The following PPP1R12A variants were observed in gnomAD, a reference collection of about 807,000 sequenced individuals.
The protein encoded by PPP1R12A is protein phosphatase 1 regulatory subunit 12A, also known as myosin binding subunit.
In PPP1R12A, 19 loss-of-function variants were observed where a neutral mutation model predicts 139.6. That is an observed-to-expected ratio of 0.14 (90% CI 0.09 to 0.20). PPP1R12A has a LOEUF of 0.20. Ranked by LOEUF, PPP1R12A falls within the 10% of genes least tolerant of loss-of-function variation. The probability of loss-of-function intolerance (pLI) is 1.00; values close to 1 mark genes in which losing one functional copy is unlikely to be tolerated. For synonymous variants in PPP1R12A, 427 were observed against 420.6 expected (o/e 1.02, Z -0.19); for missense variants, 925 against 1,211.5 (o/e 0.76, Z 3.51).
rs1873834167 is a variant in PPP1R12A at position 79,806,358 on chromosome 12, T to C, written c.1656-25A>G. ...ACTAAACAAAAGAGTCATATCTATA[T>C]AGGATGTGTTTGTATGTGTATTCTA... is the stretch of plus-strand genomic sequence containing the variant. On this transcript the variant is annotated intron_variant, in intron 12 of 24. Transcript: ENST00000450142. 8 of 1,595,376 alleles carry C rather than the reference T, an allele frequency of 5.0e-6. No individual in the cohort carries two copies. In the African/African-American group the frequency reaches 5.4e-5, roughly 11 times the overall value.
Position 79,796,936 on chromosome 12 carries a change from A to G in PPP1R12A, c.2307T>C (p.Tyr769=). 2 of 1,610,234 alleles carry G rather than the reference A, an allele frequency of 1.2e-6. No homozygotes were observed. The highest frequency in any genetic ancestry group is 1.1e-5 in the South Asian group (1 of 90,076). ...SRTYDETYQR[Y]RPVSTSSSTT... is the part of the protein sequence containing the mutation. ...TTGAACTTGAAGTTGATACTGGCCTATAACGCTGGTAAGTCTGTGAAACAT... is the reference window on the plus strand; with the variant it reads ...TTGAACTTGAAGTTGATACTGGCCTGTAACGCTGGTAAGTCTGTGAAACAT... The change falls in exon 17 of 25, where the codon TAT becomes TAC. Residue 769 remains tyrosine (Y), a synonymous_variant. Transcript: ENST00000450142.
intron 23 of PPP1R12A, chr12:79,779,270 C>CA: frequency 7.9e-7 from 1 of 1,265,874 alleles, no homozygotes; most frequent in African/African-American, 1.5e-5. Context: ...GGGTGTTATG[C>CA]AAAAAGCAAG....
chr12:79,891,480 T>A (rs562451448), intron 1 of PPP1R12A, among the ~76,000 whole-genome samples: 1 of 152,276 alleles, frequency 6.6e-6, no homozygotes, highest in East Asian at 1.9e-4. Flanking sequence ...TCTTAAGGCA[T>A]AATAAATAGG....
chr12:79,782,700 C>A, intron 22 of PPP1R12A: 1 of 338,132 alleles, frequency 3.0e-6, no homozygotes, highest in South Asian at 2.3e-5. Context: ...TCTGTACAAA[C>A]ATCTCCCTTG....
At chr12:79,854,226 G>T (rs1250038903) in intron 2 of PPP1R12A, among the ~76,000 whole-genome samples, 2 of 151,952 alleles carry the variant, frequency 1.3e-5, no homozygotes, top group Admixed American at 6.6e-5. Context: ...TGTGGCGGGG[G>T]GGCAGGGGAA....
At chr12:79,817,146 A>G (rs550748237) in intron 9 of PPP1R12A, among the ~76,000 whole-genome samples, 101 of 152,304 alleles carry the variant, frequency 6.6e-4, no homozygotes, top group Non-Finnish European at 9.6e-4. Flanking sequence ...TTTATTAACT[A>G]TCAACTGTAT....
chr12:79,779,537 A>ATGT, intron 23 of PPP1R12A: 1 of 390,286 alleles, frequency 2.6e-6, no homozygotes, highest in Admixed American at 3.2e-5. Flanking sequence ...TTTAAGTACC[A>ATGT]TGTTATTCCA....
intron 9 of PPP1R12A, among the ~76,000 whole-genome samples, chr12:79,811,396 T>G (rs10506819): frequency 0.78 from 119,360 of 152,124 alleles, 49,316 homozygotes; most frequent in Non-Finnish European, 0.92. Context: ...CTGTAGAATA[T>G]TTTAAAGTTT....
In PPP1R12A at chr12:79,845,407, G is replaced by C; in HGVS notation, c.382C>G (p.Gln128Glu). The change falls in exon 3 of 25, where the codon CAA becomes GAA. Residue 128 changes from glutamine (Q) to glutamate (E), a missense_variant. Gln to Glu is a conservative substitution (Grantham distance 29, BLOSUM62 2). This residue lies in a region of PPP1R12A where 199 missense variants were observed against 352.4 expected (regional missense o/e 0.56). Coordinates refer to ENST00000450142, the MANE Select transcript of PPP1R12A (RefSeq NM_002480.3). ...YLDIAEFLIG[Q>E]GAHVGAVNSE... ...TTGACAGCCCCTACATGTGCTCCTT[G>C]ACCAATCAAAAACCTGTAAAACCAA... 1.9e-6 allele frequency: 3 copies of C among 1,610,254 alleles called. No individual in the cohort carries two copies. The highest frequency in any genetic ancestry group is 2.5e-6 in the Non-Finnish European group (3 of 1,178,018).
At chr12:79,928,232 G>C (rs1004120709) in intron 1 of PPP1R12A, among the ~76,000 whole-genome samples, 2 of 152,144 alleles carry the variant, frequency 1.3e-5, no homozygotes, top group African/African-American at 4.8e-5. Context: ...CAATCATACT[G>C]TAGCTGAGGC....
chr12:79,926,261 C>T (rs1232088509), intron 1 of PPP1R12A, among the ~76,000 whole-genome samples: 1 of 152,250 alleles, frequency 6.6e-6, no homozygotes, highest in Non-Finnish European at 1.5e-5. Flanking sequence ...TCTCAGTTCA[C>T]TCCAACCTCT....
At position 79,796,798 on chromosome 12, in the gene PPP1R12A, T is replaced by C; in HGVS notation, c.2445A>G (p.Thr815=). 3 of 1,605,338 alleles carry C rather than the reference T, an allele frequency of 1.9e-6. No individual in the cohort carries two copies. The highest frequency in any genetic ancestry group is 1.7e-5 in the Admixed American group (1 of 58,594). Residue 815 remains threonine, a synonymous_variant, in exon 17 of 25, where the codon ACA becomes ACG. Coordinates refer to ENST00000450142, the MANE Select transcript of PPP1R12A (RefSeq NM_002480.3). ...GITSAYSRGI[T]KENEREGEKR... is the part of the protein sequence containing the mutation. ...TATTCTTACCTCTTTCATTTTCTTT[T>C]GTTATTCCTCTGGAGTAAGCAGAAG...
At chr12:79,820,553 G>A (rs1392605482) in intron 8 of PPP1R12A, among the ~76,000 whole-genome samples, 2 of 151,918 alleles carry the variant, frequency 1.3e-5, no homozygotes, top group Non-Finnish European at 2.9e-5. Flanking sequence ...AATATAGGTC[G>A]GCAAAATGCA....
intron 3 of PPP1R12A, among the ~76,000 whole-genome samples, chr12:79,836,897 C>T (rs1337092589): frequency 6.6e-6 from 1 of 152,128 alleles, no homozygotes; most frequent in Non-Finnish European, 1.5e-5. Flanking sequence ...TAGCTGTACT[C>T]CCTCAGGGTA....
intron 1 of PPP1R12A, among the ~76,000 whole-genome samples, chr12:79,911,672 CAT>C (rs1206049572): frequency 6.6e-6 from 1 of 151,974 alleles, no homozygotes; most frequent in African/African-American, 2.4e-5. Flanking sequence ...ATCTCCCAAA[CAT>C]ATCATAATTT....
chr12:79,930,503 T>C (rs1888170518), intron 1 of PPP1R12A, among the ~76,000 whole-genome samples: 1 of 152,130 alleles, frequency 6.6e-6, no homozygotes. Context: ...CTAGGTGCGG[T>C]GGCTCACGCC....
At chr12:79,817,727 G>T (rs1055826183) in intron 8 of PPP1R12A, among the ~76,000 whole-genome samples, 6 of 152,044 alleles carry the variant, frequency 3.9e-5, no homozygotes, top group African/African-American at 1.2e-4. Context: ...AGATAATAAA[G>T]ATACACAACA....
In PPP1R12A at chr12:79,788,688, C is replaced by T; in HGVS notation, c.2762G>A (p.Ser921Asn). 6.2e-7 allele frequency: 1 copy of T among 1,613,146 alleles called. No individual in the cohort carries two copies. The highest frequency in any genetic ancestry group is 1.1e-5 in the South Asian group (1 of 90,942). The change falls in exon 21 of 25, where the codon AGC becomes AAC. Residue 921 changes from serine (S) to asparagine (N), a missense_variant. Ser to Asn is a conservative substitution (Grantham distance 46). Around this residue, in one of 4 missense-constraint regions of PPP1R12A, gnomAD observed 315 missense variants for 363.4 expected, o/e 0.87. Coordinates refer to ENST00000450142, the MANE Select transcript of PPP1R12A (RefSeq NM_002480.3). ...YSYLEERKPY[S>N]SRLEKDDSTD... The stretch of plus-strand genomic sequence containing the variant: ...TGAGTCATCCTTTTCTAGCCTGCTG[C>T]TGTAAGGTTTTCTTTCTTCTAAGTA...
At chr12:79,888,612 T>G (rs951886726) in intron 1 of PPP1R12A, among the ~76,000 whole-genome samples, 2 of 152,016 alleles carry the variant, frequency 1.3e-5, no homozygotes, top group African/African-American at 2.4e-5. Context: ...AATGGCAGAG[T>G]GAAGCCACAT....
Sources: allele counts gnomAD v4.1 joint callset (sites outside exome capture counted in the v4.1 genomes callset), GRCh38; gene constraint gnomAD v4.1.1; regional missense constraint gnomAD v4.1.1; transcripts MANE v1.5; gene names NCBI Gene and HGNC (gene_info 2026-07-23, HGNC 2026-07-21).